The following HM13 variants were observed in gnomAD, a reference collection of about 807,000 sequenced individuals.
HM13 encodes the protein histocompatibility minor 13.
HM13 carries 18 observed loss-of-function variants against 50.0 expected under a neutral mutation model. The ratio of observed to expected loss-of-function variants is 0.36; its 90% CI spans 0.25 to 0.53. The LOEUF is 0.53. HM13 is among the 20% of genes least tolerant of loss of function. The probability of loss-of-function intolerance (pLI) is 0.90; values close to 1 mark genes in which losing one functional copy is unlikely to be tolerated. For synonymous variants in HM13, 197 were observed against 232.6 expected, an observed-to-expected ratio of 0.85 and a Z score of 1.39; for missense variants, 393 against 552.4, an observed-to-expected ratio of 0.71 and a Z score of 2.89.
intron 3 of HM13, among the ~76,000 whole-genome samples, chr20:31,542,972 A>C (rs6058069): frequency 0.27 from 41,656 of 152,078 alleles, 8,614 homozygotes; most frequent in African/African-American, 0.58. Flanking sequence ...GCTGGTTGAG[A>C]AGCTGAGCAC....
chr20:31,568,133 A>C lies in HM13; in HGVS notation c.1090A>C (p.Thr364Pro), dbSNP rs1985034566. ...PHTPRLTHFP[T>P]VSGSPASLAD... ...TACCCCGAGGCTCACCCACTTCCCC[A>C]CAGTCTCGGGCTCCCCAGCCAGCCT... Residue 364 changes from threonine to proline, a missense_variant, in exon 12 of 13, where the codon ACA (threonine) becomes CCA (proline). Around this residue, in one of 3 missense-constraint regions of HM13, gnomAD observed 105 missense variants for 115.9 expected, o/e 0.91. Coordinates refer to ENST00000398174, the MANE Select transcript of HM13 (RefSeq NM_178581.3). The C allele has an allele frequency of 6.2e-7, 1 of 1,612,758 alleles. No individual in the cohort carries two copies. The highest frequency in any genetic ancestry group is 8.5e-7 in the Non-Finnish European group (1 of 1,179,764).
intron 7 of HM13, among the ~76,000 whole-genome samples, chr20:31,554,218 G>A (rs6059952): frequency 0.31 from 46,510 of 151,684 alleles, 11,719 homozygotes; most frequent in African/African-American, 0.7. Flanking sequence ...AAAGTAAGCT[G>A]GGAATACAAA....
At chr20:31,544,849 C>G in intron 3 of HM13, 98 bp from the exon 4 acceptor site, 1 of 901,090 alleles carries the variant, frequency 1.1e-6, no homozygotes, top group Admixed American at 1.8e-5. Context: ...CCTATCAGGA[C>G]AGCTGTAAGG....
chr20:31,532,597 A>G (rs1466427762), intron 2 of HM13, among the ~76,000 whole-genome samples: 1 of 151,412 alleles, frequency 6.6e-6, no homozygotes, highest in Admixed American at 6.6e-5. Context: ...GCTTTAATGC[A>G]TTTGACTTCT....
chr20:31,568,148 C>T lies in HM13; in HGVS notation c.1105C>T (p.Pro369Ser). The T allele has an allele frequency of 6.2e-7, 1 of 1,613,266 alleles. No individual in the cohort carries two copies. The highest frequency in any genetic ancestry group is 8.5e-7 in the Non-Finnish European group (1 of 1,179,922). Residue 369 changes from proline to serine, a missense_variant, in exon 12 of 13, where the codon CCA (proline) becomes TCA (serine). Around this residue, in one of 3 missense-constraint regions of HM13, gnomAD observed 105 missense variants for 115.9 expected, o/e 0.91. Coordinates refer to ENST00000398174, the MANE Select transcript of HM13 (RefSeq NM_178581.3). Reference protein sequence around the residue: ...LTHFPTVSGSPASLADSMQQK... With the variant: ...LTHFPTVSGSSASLADSMQQK... ...CCACTTCCCCACAGTCTCGGGCTCC[C>T]CAGCCAGCCTGGCCGACTCCATGCA...
chr20:31,527,100 G>T (rs1982533110), intron 1 of HM13, among the ~76,000 whole-genome samples: 1 of 152,172 alleles, frequency 6.6e-6, no homozygotes, highest in Admixed American at 6.5e-5. Context: ...CAGCACTTTG[G>T]GAGGCCGAAG....
At chr20:31,539,973 A>G (rs999422585) in intron 3 of HM13, 1 of 152,170 alleles carries the variant, frequency 6.6e-6, no homozygotes, top group South Asian at 2.1e-4. Flanking sequence ...CTACCTATAA[A>G]ATGGAGAGAC....
At chr20:31,561,591 C>A in intron 9 of HM13, 43 bp from the exon 10 acceptor site, 1 of 1,351,616 alleles carries the variant, frequency 7.4e-7, no homozygotes, top group South Asian at 1.2e-5. Context: ...AGTTCAGTCC[C>A]TATATCTAAC....
In HM13 at chr20:31,549,030, G is replaced by C. The variant is rs1443208811; in HGVS notation, c.456G>C (p.Glu152Asp). The C allele has an allele frequency of 6.2e-7, 1 of 1,614,174 alleles. No individual in the cohort carries two copies. Among genetic ancestry groups the C allele is most frequent in the East Asian group, 2.2e-5 (1 of 44,890 alleles). ...FTQGSGENKE[E>D]IINYEFDTKD... ...GACTTACCTGGCCTCTCTGCTCAGA[G>C]ATCATCAATTATGAATTTGACACCA... The change falls in exon 5 of 13, where the codon GAG (glutamate) becomes GAC (aspartate). Residue 152 changes from glutamate (E) to aspartate (D), a missense_variant and splice_region_variant. Transcript: ENST00000398174.
Position 31,514,590 on chromosome 20 carries a change from C to G in HM13, c.39C>G (p.Ala13=). The part of the protein sequence containing the change: ...SALSDPHNGS[A]EAGGPTNSTT... Reference sequence around the variant, plus strand: ...TCAGCGATCCGCATAACGGCAGTGCCGAGGCAGGCGGCCCCACCAACAGCA... The same window carrying G: ...TCAGCGATCCGCATAACGGCAGTGCGGAGGCAGGCGGCCCCACCAACAGCA... The change falls in exon 1 of 13, where the codon GCC becomes GCG. Residue 13 remains alanine, a synonymous_variant. Coordinates refer to ENST00000398174, the MANE Select transcript of HM13 (RefSeq NM_178581.3). This position sits in a 1 kb window ranked among gnomAD's most constrained non-coding sequence, Gnocchi z 4.3. 6.2e-7 allele frequency: 1 copy of G among 1,604,036 alleles called. No homozygotes were observed. Among genetic ancestry groups the G allele is most frequent in the Non-Finnish European group, 8.5e-7 (1 of 1,176,912 alleles).
chr20:31,552,087 T>A (rs1179551124), intron 7 of HM13, among the ~76,000 whole-genome samples: 2 of 151,694 alleles, frequency 1.3e-5, no homozygotes, highest in Non-Finnish European at 2.9e-5. Flanking sequence ...AGGGCATTTC[T>A]CCAGAGCAAG....
chr20:31,526,944 C>G (rs1982524036), intron 1 of HM13, among the ~76,000 whole-genome samples: 1 of 152,204 alleles, frequency 6.6e-6, no homozygotes, highest in Non-Finnish European at 1.5e-5. Context: ...TCAGTTATTC[C>G]ATACTGGAAT....
rs1555838856 is a variant in HM13 at position 31,523,044 on chromosome 20, G to GC, written c.184-4440_184-4439insC. 1.3e-4 allele frequency among the ~76,000 whole-genome samples: 11 copies of GC among 84,960 alleles called. 2 individuals are homozygous for GC. In the African/African-American group the frequency reaches 1.7e-3, roughly 13 times the overall value. 55.7% of individuals were successfully genotyped at this position (84,960 alleles called of 152,430 possible). A position where few individuals can be genotyped will look rare whatever the true frequency, so the allele number is the denominator to read the frequency against. On this transcript the variant is annotated intron_variant, in intron 1 of 12. Coordinates refer to ENST00000398174, the MANE Select transcript of HM13 (RefSeq NM_178581.3). Reference sequence around the variant, plus strand: ...TAATAGCCTGTTTGGGGTTTTTTTTGGGAGGGGGGCTTTTTTTTTTTTATG... The same window carrying GC: ...TAATAGCCTGTTTGGGGTTTTTTTTGCGGAGGGGGGCTTTTTTTTTTTTATG...
chr20:31,561,806 T>C (rs918464875), intron 10 of HM13, 70 bp downstream of exon 10: 69 of 1,109,320 alleles, frequency 6.2e-5, no homozygotes, highest in Non-Finnish European at 9.0e-5. Context: ...AGGGATTTAT[T>C]TGTAAATGCA....
intron 10 of HM13, among the ~76,000 whole-genome samples, chr20:31,563,594 G>C (rs2122660411): frequency 6.6e-6 from 1 of 152,260 alleles, no homozygotes; most frequent in South Asian, 2.1e-4. Context: ...AAAGTGCTGG[G>C]ATTACAAGCG....
intron 2 of HM13, chr20:31,535,697 T>C (rs116934182): frequency 2.5e-3 from 379 of 152,396 alleles, no homozygotes; most frequent in Non-Finnish European, 4.2e-3. Context: ...CATTCAGTCA[T>C]TCTGCATTTA....
In HM13 at chr20:31,569,113, T is replaced by C; in HGVS notation, c.1182-7T>C. 1 of 1,510,578 alleles carries C rather than the reference T, an allele frequency of 6.6e-7. No homozygotes were observed. Among genetic ancestry groups the C allele is most frequent in the South Asian group, 1.2e-5 (1 of 80,168 alleles). The allele number at this position is 1,510,578 out of a possible 1,614,324, so 93.6% of individuals were successfully genotyped here. On this transcript the variant is annotated splice_polypyrimidine_tract_variant and splice_region_variant and intron_variant, in intron 12 of 12. Transcript: ENST00000398174. ...ATTTTTATTGTTGTTTTTTTTTTTT[T>C]GGTCAGTTATGAGGAGTCAAATCCT...
At chr20:31,553,052 C>T (rs574002104) in intron 7 of HM13, among the ~76,000 whole-genome samples, 14 of 152,128 alleles carry the variant, frequency 9.2e-5, no homozygotes, top group African/African-American at 3.4e-4. Context: ...AATCCCAGCA[C>T]TTTGGGAAGC....
At chr20:31,520,730 A>G (rs879597) in intron 1 of HM13, among the ~76,000 whole-genome samples, 47,152 of 152,158 alleles carry the variant, frequency 0.31, 12,092 homozygotes, top group African/African-American at 0.71. Context: ...GAAGACAGCA[A>G]TGCAGCAATG....
Sources: allele counts gnomAD v4.1 joint callset (sites outside exome capture counted in the v4.1 genomes callset), GRCh38; gene constraint gnomAD v4.1.1; regional missense constraint gnomAD v4.1.1; non-coding constraint Gnocchi (gnomAD v3.1); transcripts MANE v1.5; gene names NCBI Gene and HGNC (gene_info 2026-07-23, HGNC 2026-07-21).